Variants in PXDNL observed in about 807,000 individuals in gnomAD.
PXDNL encodes peroxidasin like.
In PXDNL, 145 loss-of-function variants were observed where a neutral mutation model predicts 150.8. The ratio of observed to expected loss-of-function variants is 0.96; its 90% CI spans 0.84 to 1.10. The LOEUF (loss-of-function observed/expected upper bound fraction) is 1.10, where lower values mean the gene tolerates loss of function less well. Among genes scored for constraint, PXDNL ranks in the 50% least tolerant of loss-of-function variants. PXDNL has a pLI of 0.00. For missense variants in PXDNL, 2,087 were observed against 1,873.9 expected, an observed-to-expected ratio of 1.11 and a Z score of -2.10; for synonymous variants, 757 against 725.7, an observed-to-expected ratio of 1.04 and a Z score of -0.69.
intron 14 of PXDNL, among the ~76,000 whole-genome samples, chr8:51,418,129 G>T (rs1381822155): frequency 6.6e-6 from 1 of 152,148 alleles, no homozygotes; most frequent in Non-Finnish European, 1.5e-5. Flanking sequence ...TAAAATGGAT[G>T]AGAAATGTGT....
intron 4 of PXDNL, among the ~76,000 whole-genome samples, chr8:51,539,723 A>C (rs538717925): frequency 6.6e-6 from 1 of 152,238 alleles, no homozygotes; most frequent in Non-Finnish European, 1.5e-5. Context: ...CATTTCATTA[A>C]GTTGTCAAAT....
At chr8:51,585,699 C>T (rs564079366) in intron 3 of PXDNL, among the ~76,000 whole-genome samples, 4 of 152,066 alleles carry the variant, frequency 2.6e-5, no homozygotes, top group African/African-American at 4.8e-5. Flanking sequence ...CCCCATGATT[C>T]GGTCCTTGTC....
At chr8:51,728,413 AG>A (rs1415200247) in intron 1 of PXDNL, among the ~76,000 whole-genome samples, 1 of 152,196 alleles carries the variant, frequency 6.6e-6, no homozygotes, top group Non-Finnish European at 1.5e-5. Context: ...GTGTTCCAGA[AG>A]AAGGTATTGC....
chr8:51,590,742 A>T (rs1290821677), intron 3 of PXDNL, among the ~76,000 whole-genome samples: 1 of 151,828 alleles, frequency 6.6e-6, no homozygotes, highest in Non-Finnish European at 1.5e-5. Context: ...TTTATTTCAC[A>T]AGCTTACAGC....
At chr8:51,494,300 C>A (rs1031277897) in intron 5 of PXDNL, among the ~76,000 whole-genome samples, 1 of 152,098 alleles carries the variant, frequency 6.6e-6, no homozygotes, top group Non-Finnish European at 1.5e-5. Flanking sequence ...TGGAAAGGAA[C>A]AACCGGCACC....
chr8:51,405,150 C>A (rs1037804919), intron 17 of PXDNL, among the ~76,000 whole-genome samples: 1 of 152,142 alleles, frequency 6.6e-6, no homozygotes, highest in Non-Finnish European at 1.5e-5. Context: ...CTGGCCCGCC[C>A]GCGCCTCTCC....
chr8:51,321,404 C>T (rs571038500), intron 21 of PXDNL, among the ~76,000 whole-genome samples: 47 of 152,224 alleles, frequency 3.1e-4, no homozygotes, highest in African/African-American at 1.1e-3. Context: ...TAGATAATAA[C>T]GGTCTTTAGG....
At chr8:51,384,202 A>G (rs1464201631) in intron 17 of PXDNL, among the ~76,000 whole-genome samples, 3 of 152,202 alleles carry the variant, frequency 2.0e-5, no homozygotes, top group Admixed American at 6.5e-5. Flanking sequence ...TCTCACACAG[A>G]ACAAAATTTC....
rs1808522909 is a variant in PXDNL, at chr8:51,408,819, G to T, written c.2805C>A (p.Pro935=). The T allele has an allele frequency of 1.3e-6, 2 of 1,568,072 alleles. No homozygotes were observed. Among genetic ancestry groups the T allele is most frequent in the African/African-American group, 1.4e-5 (1 of 73,562 alleles). ...ACTCGGTGGGTGGGCCTGTAGAAAA[G>T]GGCAATAAGGGCTTTCCGGAGGGAG... The part of the protein sequence containing the change: ...PWPPSGKPLL[P]FSTGPPTECA... The change falls in exon 17 of 23, where the codon CCC becomes CCA. Residue 935 remains proline (P), a synonymous_variant. Transcript: ENST00000356297.
At chr8:51,425,933 G>T (rs1809088094) in intron 13 of PXDNL, among the ~76,000 whole-genome samples, 1 of 152,174 alleles carries the variant, frequency 6.6e-6, no homozygotes, top group South Asian at 2.1e-4. Context: ...ACAAAAGAAG[G>T]CCTTGTTAAT....
At chr8:51,563,068 C>T (rs13266047) in intron 3 of PXDNL, among the ~76,000 whole-genome samples, 10,489 of 151,950 alleles carry the variant, frequency 0.069, 457 homozygotes, top group South Asian at 0.1. Context: ...TTTCACCTCA[C>T]AGAATGAGAA....
chr8:51,599,033 A>G (rs35504554), intron 2 of PXDNL, among the ~76,000 whole-genome samples: 12,828 of 152,202 alleles, frequency 0.084, 618 homozygotes, highest in South Asian at 0.096. Flanking sequence ...AGAGGTGTTC[A>G]TAACAGTCTC....
intron 5 of PXDNL, among the ~76,000 whole-genome samples, chr8:51,491,393 C>A (rs1237720072): frequency 4.6e-5 from 7 of 152,144 alleles, no homozygotes; most frequent in African/African-American, 1.7e-4. Context: ...AGGGTCCAGG[C>A]TCGAGTTTTC....
intron 1 of PXDNL, among the ~76,000 whole-genome samples, chr8:51,725,582 A>G (rs1816805914): frequency 6.6e-6 from 1 of 152,186 alleles, no homozygotes; most frequent in South Asian, 2.1e-4. Context: ...CCTGGCCTCC[A>G]CCATGGAAGG....
intron 1 of PXDNL, among the ~76,000 whole-genome samples, chr8:51,800,092 G>A (rs1021089235): frequency 6.6e-6 from 1 of 152,006 alleles, no homozygotes; most frequent in Admixed American, 6.5e-5. Context: ...AACTAAAATC[G>A]TTTCAGTCCA....
At chr8:51,429,687 C>CT (rs5891411) in intron 12 of PXDNL, among the ~76,000 whole-genome samples, 4,278 of 125,342 alleles carry the variant, frequency 0.034, 75 homozygotes, top group African/African-American at 0.049. Context: ...TTTTTCCTTT[C>CT]TTTTTTTTTT....
At chr8:51,719,966 A>G (rs1344505823) in intron 1 of PXDNL, among the ~76,000 whole-genome samples, 3 of 152,114 alleles carry the variant, frequency 2.0e-5, no homozygotes, top group Non-Finnish European at 2.9e-5. Flanking sequence ...ACCAAATACA[A>G]GCAGAGCCAA....
chr8:51,693,810 G>T (rs977528766), intron 1 of PXDNL, among the ~76,000 whole-genome samples: 1 of 152,134 alleles, frequency 6.6e-6, no homozygotes, highest in African/African-American at 2.4e-5. Context: ...TTTGAAACCA[G>T]CTCTACTATC....
intron 12 of PXDNL, among the ~76,000 whole-genome samples, chr8:51,431,416 T>C (rs1809244007): frequency 6.6e-6 from 1 of 152,186 alleles, no homozygotes; most frequent in Admixed American, 6.5e-5. Flanking sequence ...TCTATACCCT[T>C]TATTCCACAG....
Sources: gnomAD v4.1 joint callset for allele counts (sites outside exome capture counted in the v4.1 genomes callset) on GRCh38, gnomAD v4.1.1 for gene constraint, MANE v1.5 for transcripts, NCBI Gene and HGNC (gene_info 2026-07-23, HGNC 2026-07-21) for gene names.